Variants in PAK1 observed in about 807,000 individuals in gnomAD.
PAK1 encodes p21 (RAC1) activated kinase 1, also known as serine/threonine-protein kinase PAK 1.
Under a neutral mutation model 67.4 loss-of-function variants are expected in PAK1, and 29 were observed. The observed-to-expected ratio is 0.43, with a 90% CI of 0.32 to 0.59. PAK1 has a LOEUF of 0.59. PAK1 is among the 20% of genes least tolerant of loss of function. The pLI, the probability that PAK1 is intolerant of heterozygous loss-of-function variation, is 0.07. For missense variants in PAK1, 337 were observed against 670.7 expected (o/e 0.50, Z 5.50); for synonymous variants, 223 against 237.4 (o/e 0.94, Z 0.56).
intron 2 of PAK1, among the ~76,000 whole-genome samples, chr11:77,381,175 GTA>G (rs1565641800): frequency 8.1e-6 from 1 of 123,964 alleles, no homozygotes; most frequent in South Asian, 2.2e-4. Context: ...GTGTGTGTGT[GTA>G]GAGAGAGAGA....
chr11:77,365,349 A>G (rs1299974679), intron 5 of PAK1, among the ~76,000 whole-genome samples: 1 of 151,598 alleles, frequency 6.6e-6, no homozygotes, highest in Admixed American at 6.6e-5. Context: ...AGAAAAAAAC[A>G]GAGCATCAAA....
At chr11:77,385,783 AG>A (rs575815727) in intron 2 of PAK1, among the ~76,000 whole-genome samples, 7 of 152,092 alleles carry the variant, frequency 4.6e-5, no homozygotes, top group Non-Finnish European at 8.8e-5. Context: ...GCTTGAACCC[AG>A]GAGGTGGAGG....
At chr11:77,386,837 G>C (rs1030295451) in intron 2 of PAK1, among the ~76,000 whole-genome samples, 1 of 152,144 alleles carries the variant, frequency 6.6e-6, no homozygotes, top group East Asian at 1.9e-4. Context: ...ACAGTGGTGT[G>C]ATCTCAGCTC....
At chr11:77,349,308 G>T in intron 8 of PAK1, 21 bp from the exon 9 acceptor site, 1 of 1,582,644 alleles carries the variant, frequency 6.3e-7, no homozygotes, top group Non-Finnish European at 8.6e-7. Context: ...AGGTGGCGGA[G>T]AAAGAGGGAA....
intron 1 of PAK1, among the ~76,000 whole-genome samples, chr11:77,436,043 T>C (rs1384820250): frequency 2.0e-5 from 3 of 152,188 alleles, no homozygotes; most frequent in Admixed American, 6.5e-5. Context: ...AAGTAGCTAC[T>C]CCAACTGCCT....
the PAK1 span, among the ~76,000 whole-genome samples, chr11:77,499,914 A>C: frequency 6.6e-6 from 1 of 152,060 alleles, no homozygotes; most frequent in African/African-American, 2.4e-5. Flanking sequence ...TCTAGCACTC[A>C]CCTGATAAAT....
intron 14 of PAK1, among the ~76,000 whole-genome samples, chr11:77,324,518 T>C (rs1196201148): frequency 6.6e-6 from 1 of 152,088 alleles, no homozygotes; most frequent in East Asian, 1.9e-4. Context: ...AAATGGTGCT[T>C]TTTTTTCTTT....
At chr11:77,392,616 A>T (rs1208846863) in intron 1 of PAK1, 75 bp from the exon 2 acceptor site, 3 of 1,226,286 alleles carry the variant, frequency 2.4e-6, no homozygotes, top group South Asian at 1.6e-5. Flanking sequence ...AAAAAATTGC[A>T]AAGAATCAAA....
At chr11:77,412,213 G>C (rs1438190539) in intron 1 of PAK1, 1 of 152,346 alleles carries the variant, frequency 6.6e-6, no homozygotes, top group Non-Finnish European at 1.5e-5. Context: ...AAGACAACCA[G>C]AGCTCCTCTG....
chr11:77,481,410 C>T, the PAK1 span, among the ~76,000 whole-genome samples: 2 of 152,106 alleles, frequency 1.3e-5, no homozygotes, highest in East Asian at 3.9e-4. Context: ...GGCACGGTGG[C>T]TCATGCCTGT....
intron 1 of PAK1, among the ~76,000 whole-genome samples, chr11:77,452,141 T>C (rs1956886618): frequency 1.3e-5 from 2 of 152,228 alleles, no homozygotes; most frequent in African/African-American, 4.8e-5. Flanking sequence ...ACGTCCACTT[T>C]AAAGTCTTCA....
At position 77,322,365 on chromosome 11, in the gene PAK1, T is replaced by G. The variant is rs1250478201; in HGVS notation, c.*909A>C. 1 of 195,626 alleles carries G rather than the reference T, an allele frequency of 5.1e-6. No homozygotes were observed. The highest frequency in any genetic ancestry group is 1.1e-5 in the Non-Finnish European group (1 of 94,206). The allele number at this position is 195,626 out of a possible 1,614,324, so 12.1% of individuals were successfully genotyped here. A position where few individuals can be genotyped will look rare whatever the true frequency, so the allele number is the denominator to read the frequency against. On this transcript the variant is annotated 3_prime_UTR_variant, in exon 15 of 15. Coordinates refer to ENST00000356341, the MANE Select transcript of PAK1 (RefSeq NM_002576.5). ...ATTGTGACCAAAAGATTTGGACCAT[T>G]AGAAGATCCAAGTTAATCTTTCAGC...
chr11:77,491,207 A>C, the PAK1 span, among the ~76,000 whole-genome samples: 1 of 152,142 alleles, frequency 6.6e-6, no homozygotes, highest in African/African-American at 2.4e-5. Context: ...AAATCATTAG[A>C]AGGTACAAAA....
At chr11:77,519,497 C>G in the PAK1 span, among the ~76,000 whole-genome samples, 2 of 152,324 alleles carry the variant, frequency 1.3e-5, no homozygotes, top group East Asian at 3.9e-4. Context: ...TACTGTCTGG[C>G]TGTCCCACTC....
intron 1 of PAK1, among the ~76,000 whole-genome samples, chr11:77,457,103 T>G (rs1170378632): frequency 6.6e-6 from 1 of 152,164 alleles, no homozygotes; most frequent in Admixed American, 6.5e-5. Flanking sequence ...AGAGGTTAAC[T>G]AAAACTACTC....
the PAK1 span, among the ~76,000 whole-genome samples, chr11:77,519,108 T>G: frequency 6.6e-6 from 1 of 152,184 alleles, no homozygotes; most frequent in African/African-American, 2.4e-5. Context: ...ATCATCGAAT[T>G]CTTAGATAAT....
At chr11:77,487,828 T>A in the PAK1 span, among the ~76,000 whole-genome samples, 2 of 152,256 alleles carry the variant, frequency 1.3e-5, no homozygotes, top group East Asian at 1.9e-4. Context: ...CTGGACGGCA[T>A]CTCTGAACCC....
chr11:77,395,688 G>A (rs899939115), intron 1 of PAK1, among the ~76,000 whole-genome samples: 2 of 152,002 alleles, frequency 1.3e-5, no homozygotes, highest in Non-Finnish European at 2.9e-5. Context: ...CATCCATCAA[G>A]GCCAAACCCT....
At chr11:77,489,939 C>A in the PAK1 span, among the ~76,000 whole-genome samples, 3 of 151,906 alleles carry the variant, frequency 2.0e-5, no homozygotes, top group African/African-American at 4.8e-5. Context: ...GCCCCTCTGC[C>A]CAGCTGCCCA....
Sources: gnomAD v4.1 joint callset for allele counts (sites outside exome capture counted in the v4.1 genomes callset) on GRCh38, gnomAD v4.1.1 for gene constraint, MANE v1.5 for transcripts, NCBI Gene and HGNC (gene_info 2026-07-23, HGNC 2026-07-21) for gene names.